BCAS1: variants seen among roughly 807,000 people sequenced by gnomAD.
BCAS1 encodes the protein breast carcinoma-amplified sequence 1.
Under a neutral mutation model 65.4 loss-of-function variants are expected in BCAS1, and 46 were observed. That is an observed-to-expected ratio of 0.70 (90% CI 0.55 to 0.90). BCAS1 has a LOEUF of 0.90. Ranked by LOEUF, BCAS1 falls within the 40% of genes least tolerant of loss-of-function variation. The pLI, the probability that BCAS1 is intolerant of heterozygous loss-of-function variation, is 0.00. For missense variants in BCAS1, 793 were observed against 771.2 expected, an observed-to-expected ratio of 1.03 and a Z score of -0.33; for synonymous variants, 298 against 293.5, an observed-to-expected ratio of 1.02 and a Z score of -0.16.
At position 54,028,647 on chromosome 20, in the gene BCAS1, G is replaced by A. The variant is rs761948053; in HGVS notation, c.468C>T (p.His156=). The change falls in exon 4 of 13, where the codon CAC becomes CAT. Residue 156 remains histidine (H), a synonymous_variant. Coordinates refer to ENST00000688948, the MANE Select transcript of BCAS1 (RefSeq NM_001366298.2). The part of the protein sequence containing the change: ...PGQDTDKTPG[H]APAQDKVLSA... ...AGAGGACCTTGTCTTGGGCCGGGGC[G>A]TGCCCTGGGGTTTTATCTGTGTCCT... 23 of 1,614,038 alleles carry A rather than the reference G, an allele frequency of 1.4e-5. No individual in the cohort carries two copies. Among genetic ancestry groups the A allele is most frequent in the African/African-American group, 1.1e-4 (8 of 74,912 alleles).
chr20:53,962,056 G>C (rs1376482516), intron 10 of BCAS1, among the ~76,000 whole-genome samples: 1 of 152,210 alleles, frequency 6.6e-6, no homozygotes. Context: ...AGGAATGCAA[G>C]TCATTGGTAG....
At chr20:53,987,890 C>T (rs1316355638) in intron 7 of BCAS1, among the ~76,000 whole-genome samples, 1 of 152,166 alleles carries the variant, frequency 6.6e-6, no homozygotes, top group African/African-American at 2.4e-5. Context: ...CCCTAAGGTC[C>T]TTCGGCAAGT....
chr20:53,990,737 G>C (rs1299658166), intron 7 of BCAS1, among the ~76,000 whole-genome samples: 1 of 152,126 alleles, frequency 6.6e-6, no homozygotes, highest in Non-Finnish European at 1.5e-5. Flanking sequence ...CAGGTGCAGA[G>C]GTAAAAGCCA....
intron 2 of BCAS1, 75 bp downstream of exon 2, chr20:54,058,572 A>G: frequency 6.5e-7 from 1 of 1,534,770 alleles, no homozygotes; most frequent in African/African-American, 1.4e-5. Flanking sequence ...CAGTCAACAC[A>G]CTTGTCAAAT....
At chr20:53,957,402 C>T in intron 11 of BCAS1, 30 bp downstream of exon 11, 1 of 1,591,270 alleles carries the variant, frequency 6.3e-7, no homozygotes, top group East Asian at 2.2e-5. Flanking sequence ...CCACTAATCC[C>T]ACCACCAAAC....
intron 3 of BCAS1, among the ~76,000 whole-genome samples, chr20:54,049,854 T>C (rs1226790912): frequency 6.6e-6 from 1 of 152,230 alleles, no homozygotes; most frequent in Non-Finnish European, 1.5e-5. Context: ...CTTGCCAAGG[T>C]TGTACAGCTA....
chr20:54,037,727 A>C (rs1386888796), intron 3 of BCAS1, among the ~76,000 whole-genome samples: 1 of 151,376 alleles, frequency 6.6e-6, no homozygotes, highest in Non-Finnish European at 1.5e-5. Context: ...AATGTTGTCC[A>C]GCTAATGACT....
At chr20:53,994,962 A>G (rs1190984676) in intron 6 of BCAS1, 50 bp downstream of exon 6, 3 of 1,539,530 alleles carry the variant, frequency 1.9e-6, no homozygotes, top group African/African-American at 1.4e-5. Flanking sequence ...ATCCAAATCC[A>G]ATTCTATGCG....
intron 10 of BCAS1, among the ~76,000 whole-genome samples, chr20:53,966,183 T>C (rs2090021054): frequency 6.6e-6 from 1 of 152,130 alleles, no homozygotes; most frequent in African/African-American, 2.4e-5. Context: ...CACACACAGG[T>C]TTATTGCAGC....
chr20:54,015,776 G>A (rs1600875474), intron 4 of BCAS1, among the ~76,000 whole-genome samples: 1 of 152,140 alleles, frequency 6.6e-6, no homozygotes, highest in African/African-American at 2.4e-5. Flanking sequence ...GCAGCCTGTG[G>A]CAATTTCTAA....
At chr20:54,031,559 G>C (rs1465110674) in intron 3 of BCAS1, among the ~76,000 whole-genome samples, 2 of 151,116 alleles carry the variant, frequency 1.3e-5, no homozygotes, top group African/African-American at 4.8e-5. Flanking sequence ...TGTAACTTTT[G>C]ATACTCCTAT....
intron 9 of BCAS1, among the ~76,000 whole-genome samples, chr20:53,972,720 T>C (rs2090212367): frequency 6.6e-6 from 1 of 152,224 alleles, no homozygotes; most frequent in Non-Finnish European, 1.5e-5. Flanking sequence ...TGCTGATCCC[T>C]AAAATTATTG....
intron 10 of BCAS1, among the ~76,000 whole-genome samples, chr20:53,964,573 G>C (rs1255865923): frequency 6.6e-6 from 1 of 152,192 alleles, no homozygotes; most frequent in South Asian, 2.1e-4. Context: ...CTGGGGAAAA[G>C]TGTGTCCTCA....
At chr20:54,063,482 A>G (rs462083) in intron 1 of BCAS1, among the ~76,000 whole-genome samples, 96,116 of 151,994 alleles carry the variant, frequency 0.63, 31,179 homozygotes, top group African/African-American at 0.76. Flanking sequence ...CGAGGAATCC[A>G]GCAACATTTC....
intron 3 of BCAS1, among the ~76,000 whole-genome samples, chr20:54,057,713 G>C (rs1285853986): frequency 6.6e-6 from 1 of 152,202 alleles, no homozygotes; most frequent in Non-Finnish European, 1.5e-5. Flanking sequence ...AATCCAACAT[G>C]ACTGCTTCCA....
chr20:53,973,665 G>A (rs1442878879), intron 9 of BCAS1, among the ~76,000 whole-genome samples: 1 of 152,198 alleles, frequency 6.6e-6, no homozygotes, highest in Non-Finnish European at 1.5e-5. Flanking sequence ...TTCGTAGAAA[G>A]AAGTCTTGTG....
chr20:53,975,377 T>G lies in BCAS1; in HGVS notation c.1317+12A>C. On this transcript the variant is annotated intron_variant, in intron 9 of 12. Coordinates refer to ENST00000688948, the MANE Select transcript of BCAS1 (RefSeq NM_001366298.2). ...AGAATGGAATGATTCTGCCGTGGTG[T>G]GTGTAACTTACATTCTCCTCCGCAC... 1 of 1,609,388 alleles carries G rather than the reference T, an allele frequency of 6.2e-7. No individual in the cohort carries two copies. Among genetic ancestry groups the G allele is most frequent in the Non-Finnish European group, 8.5e-7 (1 of 1,176,104 alleles).
chr20:53,995,782 G>T, intron 5 of BCAS1, 110 bp downstream of exon 5: 1 of 1,243,252 alleles, frequency 8.0e-7, no homozygotes. Flanking sequence ...TGCTCCAACA[G>T]CACCATGATA....
At chr20:53,955,426 G>A (rs1255315709) in intron 11 of BCAS1, among the ~76,000 whole-genome samples, 3 of 152,206 alleles carry the variant, frequency 2.0e-5, no homozygotes. Context: ...GAATGAAACA[G>A]AAACTCTCAC....
Sources: gnomAD v4.1 joint callset for allele counts (sites outside exome capture counted in the v4.1 genomes callset) on GRCh38, gnomAD v4.1.1 for gene constraint, MANE v1.5 for transcripts, NCBI Gene and HGNC (gene_info 2026-07-23, HGNC 2026-07-21) for gene names.